C14orf119: variants seen among roughly 807,000 people sequenced by gnomAD.
The protein encoded by C14orf119 is chromosome 14 open reading frame 119.
In C14orf119, 17 loss-of-function variants were observed where a neutral mutation model predicts 13.5. The observed-to-expected ratio is 1.26, with a 90% confidence interval of 0.86 to 1.88. The LOEUF (loss-of-function observed/expected upper bound fraction) is 1.88, where lower values mean the gene tolerates loss of function less well. Among genes scored for constraint, C14orf119 ranks in the 40% most tolerant of loss-of-function variants. The probability of loss-of-function intolerance (pLI) is 0.00; values close to 1 mark genes in which losing one functional copy is unlikely to be tolerated. For missense variants in C14orf119, 162 were observed against 165.9 expected (o/e 0.98, Z 0.13); for synonymous variants, 61 against 61.9 (o/e 0.99, Z 0.07).
intron 1 of C14orf119, among the ~76,000 whole-genome samples, chr14:23,096,391 C>T (rs1386377124): frequency 1.3e-5 from 2 of 151,588 alleles, no homozygotes; most frequent in African/African-American, 2.4e-5. Context: ...TGGTGGCGTA[C>T]GCCTATAGTC....
intron 1 of C14orf119, among the ~76,000 whole-genome samples, chr14:23,095,903 C>T (rs2048363585): frequency 6.6e-6 from 1 of 152,276 alleles, no homozygotes; most frequent in South Asian, 2.1e-4. Context: ...GCCTTGGAAG[C>T]CATGTGGCAA....
Position 23,099,186 on chromosome 14 carries a change from A to G in C14orf119, c.*1105A>G. ...ACAACCGGGGAAAGAGGCATTCCAA[A>G]GAAAGTAGAAATTAAGTATACACAA... is the stretch of plus-strand genomic sequence containing the variant. On this transcript the variant is annotated 3_prime_UTR_variant, in exon 2 of 2. Transcript: ENST00000319074. 1 of 412,452 alleles carries G rather than the reference A, an allele frequency of 2.4e-6. No individual in the cohort carries two copies. Among genetic ancestry groups the G allele is most frequent in the Non-Finnish European group, 4.4e-6 (1 of 225,948 alleles). 25.5% of individuals were successfully genotyped at this position (412,452 alleles called of 1,614,324 possible).
intron 1 of C14orf119, among the ~76,000 whole-genome samples, chr14:23,096,917 A>G (rs1175018972): frequency 1.3e-5 from 2 of 152,200 alleles, no homozygotes; most frequent in Non-Finnish European, 2.9e-5. Context: ...GTTTAAAGAC[A>G]TGGATTGTCA....
At position 23,098,704 on chromosome 14, in the gene C14orf119, T is replaced by G. The variant is rs1170017926; in HGVS notation, c.*623T>G. 6 of 168,012 alleles carry G rather than the reference T, an allele frequency of 3.6e-5. No homozygotes were observed. Among genetic ancestry groups the G allele is most frequent in the African/African-American group, 1.5e-4 (6 of 41,272 alleles). 10.4% of individuals were successfully genotyped at this position (168,012 alleles called of 1,614,324 possible). ...CATGGGTTGTCACTTAAGTTTGGAG[T>G]GCAGTGGCATGATCATCAGTGAGCG... On this transcript the variant is annotated 3_prime_UTR_variant, in exon 2 of 2. Transcript: ENST00000319074.
In C14orf119 at chr14:23,099,239, G is replaced by T. The variant is rs2048410612; in HGVS notation, c.*1158G>T. ...GATTTTCCATCCAGTTGTCTCACAA[G>T]AAATTATTCTCTTCCTTACCCCCTG... On this transcript the variant is annotated 3_prime_UTR_variant, in exon 2 of 2. Coordinates refer to ENST00000319074, the MANE Select transcript of C14orf119 (RefSeq NM_017924.4). The T allele has an allele frequency of 2.4e-6, 1 of 413,380 alleles. No individual in the cohort carries two copies. The highest frequency in any genetic ancestry group is 4.4e-5 in the Admixed American group (1 of 22,724). The allele number at this position is 413,380 out of a possible 1,614,324, so 25.6% of individuals were successfully genotyped here.
In C14orf119 at chr14:23,095,609, G is replaced by C; in HGVS notation, c.-12G>C. On this transcript the variant is annotated 5_prime_UTR_variant, in exon 1 of 2. Transcript: ENST00000319074. ...GACAATCTTCGGGTGCCCTTCGAGAGAAAAGGGGAGGTAAGCGGGGTAGAA... is the reference window on the plus strand; with the variant it reads ...GACAATCTTCGGGTGCCCTTCGAGACAAAAGGGGAGGTAAGCGGGGTAGAA... The C allele has an allele frequency of 2.9e-6, 1 of 344,168 alleles. No individual in the cohort carries two copies. The highest frequency in any genetic ancestry group is 3.5e-5 in the South Asian group (1 of 28,194). 21.3% of individuals were successfully genotyped at this position (344,168 alleles called of 1,614,324 possible). A position where few individuals can be genotyped will look rare whatever the true frequency, so the allele number is the denominator to read the frequency against.
chr14:23,099,486 C>CAACCT lies in C14orf119; in HGVS notation c.*1407_*1411dup. On this transcript the variant is annotated 3_prime_UTR_variant, in exon 2 of 2. Coordinates refer to ENST00000319074, the MANE Select transcript of C14orf119 (RefSeq NM_017924.4). ...AGGGATTATGGTCTGAAGTAACCAG[C>CAACCT]AACCTAGGAACATAGAAGGTAATAT... The CAACCT allele has an allele frequency of 2.4e-6, 1 of 412,578 alleles. No individual in the cohort carries two copies. Among genetic ancestry groups the CAACCT allele is most frequent in the South Asian group, 1.3e-4 (1 of 7,800 alleles). The allele number at this position is 412,578 out of a possible 1,614,324, so 25.6% of individuals were successfully genotyped here.
chr14:23,096,418 C>T (rs944697516), intron 1 of C14orf119, among the ~76,000 whole-genome samples: 1 of 146,750 alleles, frequency 6.8e-6, no homozygotes, highest in Non-Finnish European at 1.5e-5. Flanking sequence ...ACTCGGGAGG[C>T]TGAGGCAGGA....
At chr14:23,095,690 G>GC (rs1276404596) in intron 1 of C14orf119, 71 bp downstream of exon 1, 3 of 181,562 alleles carry the variant, frequency 1.7e-5, no homozygotes, top group Non-Finnish European at 3.6e-5. Context: ...AATAGGGCAA[G>GC]CCCCCCACTC....
Position 23,099,573 on chromosome 14 carries a change from T to TTC in C14orf119, c.*1493_*1494insCT. On this transcript the variant is annotated 3_prime_UTR_variant, in exon 2 of 2. Coordinates refer to ENST00000319074, the MANE Select transcript of C14orf119 (RefSeq NM_017924.4). The stretch of plus-strand genomic sequence containing the variant: ...CGGCATTACCTTTTTTTTTTTTTTT[T>TTC]TTTGGAGACAAGGTCTTGGTCTGTT... The TTC allele has an allele frequency of 2.5e-6, 1 of 403,340 alleles. No homozygotes were observed. Among genetic ancestry groups the TTC allele is most frequent in the Admixed American group, 4.5e-5 (1 of 22,398 alleles). 25.0% of individuals were successfully genotyped at this position (403,340 alleles called of 1,614,324 possible). A position where few individuals can be genotyped will look rare whatever the true frequency, so the allele number is the denominator to read the frequency against.
rs889987475 is a variant in C14orf119, at chr14:23,099,297, T to G, written c.*1216T>G. The G allele has an allele frequency of 1.2e-5, 5 of 413,350 alleles. No individual in the cohort carries two copies. The highest frequency in any genetic ancestry group is 2.2e-5 in the Non-Finnish European group (5 of 226,162). The allele number at this position is 413,350 out of a possible 1,614,324, so 25.6% of individuals were successfully genotyped here. A position where few individuals can be genotyped will look rare whatever the true frequency, so the allele number is the denominator to read the frequency against. ...CTGGGCAACATCACACCTCCCTTAT[T>G]CCTCTAACTGGGACCCTTGTGCTGT... On this transcript the variant is annotated 3_prime_UTR_variant, in exon 2 of 2. Transcript: ENST00000319074.
chr14:23,097,308 G>A (rs2048391516), intron 1 of C14orf119, among the ~76,000 whole-genome samples: 1 of 152,134 alleles, frequency 6.6e-6, no homozygotes, highest in Admixed American at 6.5e-5. Context: ...ATTAATCATT[G>A]TTTTTTTCTT....
At chr14:23,095,897 T>G (rs1355609425) in intron 1 of C14orf119, among the ~76,000 whole-genome samples, 3 of 152,228 alleles carry the variant, frequency 2.0e-5, no homozygotes, top group African/African-American at 7.2e-5. Context: ...GAGTTTGCCT[T>G]GGAAGCCATG....
At position 23,098,673 on chromosome 14, in the gene C14orf119, T is replaced by A. The variant is rs113252156; in HGVS notation, c.*592T>A. ...ACTCGCGGTGACTTTTTTTTTTTTT[T>A]AAAAACATGGGTTGTCACTTAAGTT... On this transcript the variant is annotated 3_prime_UTR_variant, in exon 2 of 2. Transcript: ENST00000319074. 393 of 165,390 alleles carry A rather than the reference T, an allele frequency of 2.4e-3. 3 individuals carry two copies. Among genetic ancestry groups the A allele is most frequent in the Middle Eastern group, 0.01 (3 of 296 alleles). The allele number at this position is 165,390 out of a possible 1,614,324, so 10.2% of individuals were successfully genotyped here.
Position 23,097,819 on chromosome 14 carries a change from G to A in C14orf119, c.161G>A (p.Arg54His), listed in dbSNP as rs751433100. 6.8e-6 allele frequency: 11 copies of A among 1,614,196 alleles called. No individual in the cohort carries two copies. The highest frequency in any genetic ancestry group is 2.7e-5 in the African/African-American group (2 of 75,042). Residue 54 changes from arginine to histidine, a missense_variant, in exon 2 of 2, where the codon CGT becomes CAT. By Grantham distance (29) the Arg-to-His change is conservative. Transcript: ENST00000319074. ...HWFANWSGPQRERFLEDLVAK... is the reference protein window; with the variant it reads ...HWFANWSGPQHERFLEDLVAK... ...TTTGCCAATTGGTCAGGTCCCCAGC[G>A]TGAACGTTTCCTAGAGGACCTGGTA... is the stretch of plus-strand genomic sequence containing the variant.
chr14:23,096,937 A>G (rs1222953899), intron 1 of C14orf119, among the ~76,000 whole-genome samples: 2 of 152,220 alleles, frequency 1.3e-5, no homozygotes, highest in African/African-American at 2.4e-5. Context: ...ATAAAATAGT[A>G]TAACACTTGT....
In C14orf119 at chr14:23,095,505, G is replaced by A. The variant is rs1057398249; in HGVS notation, c.-116G>A. ...GGGGCGGGTCCGAGGCCGGAAGTGC[G>A]TGGGCTGCCGGGCTGGCCCAGCTTA... On this transcript the variant is annotated 5_prime_UTR_variant, in exon 1 of 2. In the 5' UTR this introduces an upstream ATG that the reference lacks. Coordinates refer to ENST00000319074, the MANE Select transcript of C14orf119 (RefSeq NM_017924.4). 1.5e-5 allele frequency: 9 copies of A among 603,856 alleles called. No individual in the cohort carries two copies. In the Admixed American group the frequency reaches 2.8e-4, roughly 19 times the overall value. 37.4% of individuals were successfully genotyped at this position (603,856 alleles called of 1,614,324 possible). A position where few individuals can be genotyped will look rare whatever the true frequency, so the allele number is the denominator to read the frequency against.
In C14orf119 at chr14:23,098,224, G is replaced by A. The variant is rs2048401774; in HGVS notation, c.*143G>A. ...GAACTCACTGACCAGTACAGGCATG[G>A]TTATTTCAACATTAATAGCATGTCA... On this transcript the variant is annotated 3_prime_UTR_variant, in exon 2 of 2. Transcript: ENST00000319074. 1.3e-6 allele frequency: 1 copy of A among 790,090 alleles called. No individual in the cohort carries two copies. Among genetic ancestry groups the A allele is most frequent in the Non-Finnish European group, 2.0e-6 (1 of 495,066 alleles). The allele number at this position is 790,090 out of a possible 1,614,324, so 48.9% of individuals were successfully genotyped here.
chr14:23,100,335 A>C lies in C14orf119; in HGVS notation c.*2254A>C, dbSNP rs969602257. The C allele has an allele frequency of 2.4e-6, 1 of 409,406 alleles. No individual in the cohort carries two copies. The highest frequency in any genetic ancestry group is 2.1e-5 in the African/African-American group (1 of 48,558). The allele number at this position is 409,406 out of a possible 1,614,324, so 25.4% of individuals were successfully genotyped here. A position where few individuals can be genotyped will look rare whatever the true frequency, so the allele number is the denominator to read the frequency against. ...ATGGGGGAATGTGTTATTGTATGGG[A>C]GGAGGGAGTCAGGTAGTGACGGGAC... is the stretch of plus-strand genomic sequence containing the variant. On this transcript the variant is annotated 3_prime_UTR_variant, in exon 2 of 2. Transcript: ENST00000319074.
Sources: gnomAD v4.1 joint callset for allele counts (sites outside exome capture counted in the v4.1 genomes callset) on GRCh38, gnomAD v4.1.1 for gene constraint, MANE v1.5 for transcripts, NCBI Gene and HGNC (gene_info 2026-07-23, HGNC 2026-07-21) for gene names.